Variants in SDK1 observed in about 807,000 individuals in gnomAD.
SDK1 encodes the protein sidekick cell adhesion molecule 1.
Under a neutral mutation model 245.5 loss-of-function variants are expected in SDK1, and 157 were observed. The observed-to-expected ratio is 0.64, with a 90% CI of 0.56 to 0.73. The LOEUF is 0.73. Among genes scored for constraint, SDK1 ranks in the 30% least tolerant of loss-of-function variants. The pLI, the probability that SDK1 is intolerant of heterozygous loss-of-function variation, is 0.00. For missense variants in SDK1, 3,583 were observed against 3,002.3 expected (o/e 1.19, Z -4.52); for synonymous variants, 1,647 against 1,278.5 (o/e 1.29, Z -6.15).
chr7:3,950,548 G>T (rs1780764544), intron 5 of SDK1, among the ~76,000 whole-genome samples: 1 of 152,174 alleles, frequency 6.6e-6, no homozygotes, highest in Non-Finnish European at 1.5e-5. Context: ...CAGTCTCTTA[G>T]TGTGCCTGAT....
At chr7:3,391,878 G>A (rs879711020) in intron 1 of SDK1, among the ~76,000 whole-genome samples, 5 of 151,606 alleles carry the variant, frequency 3.3e-5, no homozygotes, top group Admixed American at 6.6e-5. Context: ...ATGCACCTGC[G>A]TTGCCCTCCC....
intron 17 of SDK1, among the ~76,000 whole-genome samples, chr7:4,032,063 C>A (rs900369313): frequency 4.0e-5 from 6 of 150,590 alleles, no homozygotes; most frequent in African/African-American, 9.8e-5. Context: ...ATAGATAGAT[C>A]GATCGATCGA....
intron 1 of SDK1, among the ~76,000 whole-genome samples, chr7:3,320,095 A>T (rs1049509258): frequency 1.1e-4 from 16 of 151,462 alleles, no homozygotes; most frequent in Non-Finnish European, 2.1e-4. Flanking sequence ...CCCTTTCCTC[A>T]TTCTCTTCTG....
chr7:3,710,539 A>G (rs994110500), intron 4 of SDK1, among the ~76,000 whole-genome samples: 2 of 152,112 alleles, frequency 1.3e-5, no homozygotes, highest in Non-Finnish European at 2.9e-5. Context: ...TTCATGCTTG[A>G]CAGTGTAGTT....
At chr7:3,641,161 T>A (rs1283801288) in intron 3 of SDK1, among the ~76,000 whole-genome samples, 1 of 152,182 alleles carries the variant, frequency 6.6e-6, no homozygotes, top group African/African-American at 2.4e-5. Context: ...ACATTGATAA[T>A]AGAGCACTTC....
chr7:4,168,916 C>G (rs1337950410), intron 32 of SDK1, among the ~76,000 whole-genome samples: 1 of 152,186 alleles, frequency 6.6e-6, no homozygotes, highest in Non-Finnish European at 1.5e-5. Context: ...CACTCCCACC[C>G]CACCACCAGT....
At chr7:3,575,731 T>TG (rs1780266095) in intron 1 of SDK1, among the ~76,000 whole-genome samples, 1 of 152,074 alleles carries the variant, frequency 6.6e-6, no homozygotes, top group East Asian at 1.9e-4. Context: ...TCATTTTTTT[T>TG]GTTCTCCCAG....
At chr7:4,008,030 G>A (rs1222844968) in intron 14 of SDK1, among the ~76,000 whole-genome samples, 3 of 152,178 alleles carry the variant, frequency 2.0e-5, no homozygotes, top group East Asian at 3.9e-4. Context: ...TTTTCATGTT[G>A]CAAAACTTCT....
intron 1 of SDK1, among the ~76,000 whole-genome samples, chr7:3,483,435 C>T (rs981042964): frequency 6.6e-6 from 1 of 151,948 alleles, no homozygotes; most frequent in African/African-American, 2.4e-5. Context: ...GTATGTTTTG[C>T]GCTTGCCAAA....
intron 5 of SDK1, among the ~76,000 whole-genome samples, chr7:3,849,724 G>A (rs1780372597): frequency 6.6e-6 from 1 of 152,150 alleles, no homozygotes; most frequent in Non-Finnish European, 1.5e-5. Flanking sequence ...CTGATAGCTG[G>A]CCATTGCCTG....
At chr7:3,711,272 C>A (rs1785041841) in intron 4 of SDK1, among the ~76,000 whole-genome samples, 1 of 152,140 alleles carries the variant, frequency 6.6e-6, no homozygotes. Flanking sequence ...CTGTGCTAAC[C>A]ATTATCTTTG....
intron 5 of SDK1, among the ~76,000 whole-genome samples, chr7:3,849,358 C>T (rs924698392): frequency 1.3e-5 from 2 of 152,216 alleles, no homozygotes; most frequent in East Asian, 1.9e-4. Flanking sequence ...CAACACTCCC[C>T]TTTCGACCTT....
intron 4 of SDK1, among the ~76,000 whole-genome samples, chr7:3,727,711 G>T (rs895921369): frequency 6.6e-6 from 1 of 151,946 alleles, no homozygotes. Flanking sequence ...GGCTGGTCTC[G>T]AACTCCTGAC....
intron 1 of SDK1, among the ~76,000 whole-genome samples, chr7:3,574,682 A>G (rs1425637683): frequency 6.6e-6 from 1 of 152,104 alleles, no homozygotes; most frequent in Non-Finnish European, 1.5e-5. Flanking sequence ...AAAGTAGTGT[A>G]TAAAGTAGCT....
intron 4 of SDK1, among the ~76,000 whole-genome samples, chr7:3,769,873 C>G (rs774880786): frequency 6.6e-6 from 1 of 151,544 alleles, no homozygotes; most frequent in Non-Finnish European, 1.5e-5. Context: ...ACAATAGGTA[C>G]TAATTGATGC....
intron 1 of SDK1, among the ~76,000 whole-genome samples, chr7:3,511,827 T>C (rs575500108): frequency 6.6e-6 from 1 of 150,438 alleles, no homozygotes; most frequent in African/African-American, 2.5e-5. Flanking sequence ...AGAGCAATTT[T>C]AGGTTCACAG....
chr7:3,692,072 T>G (rs906277013), intron 4 of SDK1, among the ~76,000 whole-genome samples: 3 of 152,146 alleles, frequency 2.0e-5, no homozygotes, highest in Non-Finnish European at 4.4e-5. Flanking sequence ...ACGGTTATGC[T>G]TCCTACTCTC....
chr7:3,874,790 C>A (rs1362911940), intron 5 of SDK1, among the ~76,000 whole-genome samples: 3 of 152,154 alleles, frequency 2.0e-5, no homozygotes, highest in Non-Finnish European at 4.4e-5. Flanking sequence ...TCTAGCAGTG[C>A]CTTAAAGCTT....
chr7:3,723,847 T>C (rs1336054296), intron 4 of SDK1, among the ~76,000 whole-genome samples: 1 of 141,098 alleles, frequency 7.1e-6, no homozygotes, highest in Non-Finnish European at 1.6e-5. Flanking sequence ...TATATACACG[T>C]ACATATACAT....
Sources: allele counts gnomAD v4.1 joint callset (sites outside exome capture counted in the v4.1 genomes callset), GRCh38; gene constraint gnomAD v4.1.1; transcripts MANE v1.5; gene names NCBI Gene and HGNC (gene_info 2026-07-23, HGNC 2026-07-21).